Variants in PARVB observed in about 807,000 individuals in gnomAD.
The protein encoded by PARVB is parvin beta.
A neutral mutation model predicts 47.0 loss-of-function variants in PARVB; 46 were observed. That is an observed-to-expected ratio of 0.98 (90% CI 0.77 to 1.25). The LOEUF (loss-of-function observed/expected upper bound fraction) is 1.25, where lower values mean the gene tolerates loss of function less well. Among genes scored for constraint, PARVB ranks in the 50% most tolerant of loss-of-function variants. The pLI is 0.00. For synonymous variants in PARVB, 196 were observed against 196.3 expected (o/e 1.00, Z 0.01); for missense variants, 473 against 471.6 (o/e 1.00, Z -0.03).
At chr22:44,052,296 A>G (rs1242722966) in intron 1 of PARVB, among the ~76,000 whole-genome samples, 1 of 152,192 alleles carries the variant, frequency 6.6e-6, no homozygotes, top group Non-Finnish European at 1.5e-5. Context: ...GGCGGTGTGA[A>G]TGCCAAACAC....
intron 1 of PARVB, among the ~76,000 whole-genome samples, chr22:44,034,777 C>T (rs2146902467): frequency 7.2e-6 from 1 of 138,016 alleles, no homozygotes; most frequent in Admixed American, 8.2e-5. Flanking sequence ...GTGGTGCAAT[C>T]TTGGCTCACT....
intron 1 of PARVB, among the ~76,000 whole-genome samples, chr22:44,055,941 C>T (rs1191778367): frequency 1.3e-5 from 2 of 152,266 alleles, no homozygotes; most frequent in East Asian, 3.9e-4. Flanking sequence ...GAATGCTAAC[C>T]TCATCTAGAA....
At position 44,170,684 on chromosome 22, in the gene PARVB, CT is replaced by C. The variant is rs67996385; in HGVS notation, c.*2007del. 51,289 of 151,748 alleles carry C rather than the reference CT, an allele frequency of 0.34. 8,841 individuals carry two copies. Among genetic ancestry groups the C allele is most frequent in the Admixed American group, 0.43 (6,494 of 15,238 alleles). 9.4% of individuals were successfully genotyped at this position (151,748 alleles called of 1,614,324 possible). The stretch of plus-strand genomic sequence containing the variant: ...CAGTCCCTCGCTGTGGCGCCCCCCC[CT>C]CCCCCAGCTCCTTCCCAGGGTGATG... On this transcript the variant is annotated 3_prime_UTR_variant, in exon 13 of 13. Coordinates refer to ENST00000338758, the MANE Select transcript of PARVB (RefSeq NM_013327.5).
At chr22:44,101,989 A>G (rs1362742992) in intron 3 of PARVB, among the ~76,000 whole-genome samples, 1 of 152,210 alleles carries the variant, frequency 6.6e-6, no homozygotes, top group Admixed American at 6.5e-5. Flanking sequence ...ACAAAGAAAC[A>G]GACCCAATTG....
intron 1 of PARVB, among the ~76,000 whole-genome samples, chr22:44,030,955 A>T (rs1362606965): frequency 6.6e-6 from 1 of 152,138 alleles, no homozygotes; most frequent in Non-Finnish European, 1.5e-5. Context: ...TGGGGGATAT[A>T]GACAGGTGAG....
chr22:44,119,012 G>A, intron 3 of PARVB, 26 bp from the exon 4 acceptor site: 1 of 1,523,224 alleles, frequency 6.6e-7, no homozygotes, highest in Non-Finnish European at 9.1e-7. Context: ...GGTGGACTGA[G>A]GCCATAATGC....
intron 2 of PARVB, among the ~76,000 whole-genome samples, chr22:44,095,897 G>A (rs1296985240): frequency 2.0e-5 from 3 of 152,210 alleles, no homozygotes; most frequent in Non-Finnish European, 4.4e-5. Flanking sequence ...GGTCGCACCA[G>A]GGTCCACGGG....
intron 5 of PARVB, 125 bp from the exon 6 acceptor site, chr22:44,132,769 C>T: frequency 1.6e-6 from 1 of 621,394 alleles, no homozygotes; most frequent in Non-Finnish European, 2.9e-6. Flanking sequence ...TTTGTCCACA[C>T]TTCGCTCCAT....
At chr22:44,152,520 A>C (rs976720177) in intron 10 of PARVB, 1 of 152,242 alleles carries the variant, frequency 6.6e-6, no homozygotes, top group Non-Finnish European at 1.5e-5. Flanking sequence ...GCCTTTGCAC[A>C]CGCAGTTCCT....
intron 2 of PARVB, among the ~76,000 whole-genome samples, chr22:44,006,410 G>A (rs756472883): frequency 1.3e-5 from 2 of 152,188 alleles, no homozygotes; most frequent in Non-Finnish European, 2.9e-5. Context: ...CAGATCACGG[G>A]GTCAGGAGAT....
At chr22:44,164,933 ATCC>A (rs1356335546) in intron 12 of PARVB, among the ~76,000 whole-genome samples, 3 of 151,980 alleles carry the variant, frequency 2.0e-5, no homozygotes, top group Non-Finnish European at 4.4e-5. Context: ...CTGCCTGTTC[ATCC>A]TCCTCTTGGG....
chr22:44,016,331 C>T lies in PARVB; in HGVS notation c.211+16658C>T, dbSNP rs553020774. 1.1e-4 allele frequency among the ~76,000 whole-genome samples: 17 copies of T among 152,026 alleles called. 1 individual carries two copies. Among genetic ancestry groups the T allele is most frequent in the South Asian group, 8.3e-4 (4 of 4,816 alleles). On this transcript the variant is annotated intron_variant, in intron 2 of 13. Coordinates refer to the PARVB transcript ENST00000406477. The stretch of plus-strand genomic sequence containing the variant: ...CAGGATGGTCTCGATCTCCTGACTT[C>T]GTGATCCGCCCGCCTCAGCCTCCCA...
At chr22:44,146,958 C>T (rs1034502906) in intron 8 of PARVB, 1 of 152,666 alleles carries the variant, frequency 6.6e-6, no homozygotes, top group South Asian at 2.1e-4. Flanking sequence ...CTTTTCTGCC[C>T]TGGCAGTGAT....
intron 3 of PARVB, among the ~76,000 whole-genome samples, chr22:44,101,210 C>T (rs888685744): frequency 8.0e-5 from 12 of 150,042 alleles, no homozygotes; most frequent in Non-Finnish European, 1.6e-4. Flanking sequence ...GAGATCGAGA[C>T]CATCCTGGCT....
At chr22:44,152,780 C>T (rs370586083) in intron 10 of PARVB, 8 of 152,234 alleles carry the variant, frequency 5.3e-5, no homozygotes, top group South Asian at 4.2e-4. Flanking sequence ...TGCTTGAATG[C>T]GGAGGTTTTT....
At chr22:44,046,168 G>C (rs1274908206) in intron 1 of PARVB, among the ~76,000 whole-genome samples, 1 of 152,228 alleles carries the variant, frequency 6.6e-6, no homozygotes, top group African/African-American at 2.4e-5. Context: ...TATGCTTTCG[G>C]ATGCTGTTGT....
At chr22:44,072,999 T>C (rs2051687994) in intron 1 of PARVB, among the ~76,000 whole-genome samples, 1 of 152,148 alleles carries the variant, frequency 6.6e-6, no homozygotes, top group African/African-American at 2.4e-5. Flanking sequence ...TCCTGGGTGC[T>C]GGAGCCCTCA....
At chr22:44,067,142 C>T (rs1569088280) in intron 1 of PARVB, among the ~76,000 whole-genome samples, 2 of 152,132 alleles carry the variant, frequency 1.3e-5, no homozygotes, top group Non-Finnish European at 2.9e-5. Flanking sequence ...GTGCCAGGCC[C>T]CTTTAATTTA....
chr22:44,020,457 A>C (rs1355285650), upstream of PARVB, among the ~76,000 whole-genome samples: 1 of 152,128 alleles, frequency 6.6e-6, no homozygotes, highest in Non-Finnish European at 1.5e-5. Flanking sequence ...CTCAGGCATG[A>C]GCCATTGCAT....
Sources: allele counts gnomAD v4.1 joint callset (sites outside exome capture counted in the v4.1 genomes callset), GRCh38; gene constraint gnomAD v4.1.1; transcripts MANE v1.5; gene names NCBI Gene and HGNC (gene_info 2026-07-23, HGNC 2026-07-21).